SCAP: variants seen among roughly 807,000 people sequenced by gnomAD.
SCAP encodes sterol regulatory element-binding protein cleavage-activating protein.
SCAP carries 65 observed loss-of-function variants against 123.6 expected under a neutral mutation model. That is an observed-to-expected ratio of 0.53 (90% CI 0.43 to 0.65). SCAP has a LOEUF of 0.65. SCAP is among the 30% of genes least tolerant of loss of function. The pLI is 0.00. For synonymous variants in SCAP, 740 were observed against 726.3 expected, an observed-to-expected ratio of 1.02 and a Z score of -0.30; for missense variants, 1,398 against 1,712.5, an observed-to-expected ratio of 0.82 and a Z score of 3.24.
At position 47,414,399 on chromosome 3, in the gene SCAP, G is replaced by T; in HGVS notation, c.3388-13C>A. 1.2e-6 allele frequency: 2 copies of T among 1,611,990 alleles called. No homozygotes were observed. Among genetic ancestry groups the T allele is most frequent in the East Asian group, 4.5e-5 (2 of 44,882 alleles). On this transcript the variant is annotated splice_polypyrimidine_tract_variant and intron_variant, in intron 21 of 22. Transcript: ENST00000265565. ...CCAGCACCATGGTCTGGGGAAACAG[G>T]CCAGGGGAGTGGGGTCACCATGGTG...
chr3:47,423,849 G>C, intron 9 of SCAP, 84 bp downstream of exon 9: 5 of 970,200 alleles, frequency 5.2e-6, no homozygotes, highest in African/African-American at 1.6e-5. Flanking sequence ...GGCTCTGTTT[G>C]CTCACAGAGC....
At position 47,451,889 on chromosome 3, in the gene SCAP, C is replaced by T. The variant is rs776191896; in HGVS notation, c.-98-8798G>A. On this transcript the variant is annotated intron_variant, in intron 1 of 22. Coordinates refer to ENST00000265565, the MANE Select transcript of SCAP (RefSeq NM_012235.4). ...TCCTCTGCAACTTCACTTCGTGTCA[C>T]CTCTCCCTGTTCTGGTTTCTTCCAA... Among the ~76,000 whole-genome samples the T allele has an allele frequency of 3.9e-4, 58 of 147,574 alleles. 16 individuals carry two copies. The highest frequency in any genetic ancestry group is 1.7e-3 in the Admixed American group (24 of 14,268).
At chr3:47,448,622 G>A (rs768951244) in intron 1 of SCAP, among the ~76,000 whole-genome samples, 4 of 149,494 alleles carry the variant, frequency 2.7e-5, no homozygotes, top group Non-Finnish European at 5.9e-5. Context: ...CTACCTTCAT[G>A]TTCACTGACT....
chr3:47,417,602 G>A lies in SCAP; in HGVS notation c.2672C>T (p.Thr891Ile). 6 of 1,602,692 alleles carry A rather than the reference G, an allele frequency of 3.7e-6. No individual in the cohort carries two copies. The highest frequency in any genetic ancestry group is 2.3e-5 in the East Asian group (1 of 44,352). Residue 891 changes from threonine to isoleucine, a missense_variant, in exon 17 of 23, where the codon ACT (threonine) becomes ATT (isoleucine). Physicochemically the swap from Thr to Ile is moderately conservative, Grantham distance 89 (BLOSUM62 -1). Around this residue, in one of 7 missense-constraint regions of SCAP, gnomAD observed 828 missense variants for 882.5 expected, o/e 0.94. Transcript: ENST00000265565. ...FSAQPRSSQPTQPEPRHRAVC... is the reference protein window; with the variant it reads ...FSAQPRSSQPIQPEPRHRAVC... ...CGCCCGGTGCCGGGGCTCGGGCTGA[G>A]TGGGCTGTGAGGACCGAGGCTGCGC...
Position 47,425,472 on chromosome 3 carries a change from G to A in SCAP, c.1037+13C>T, listed in dbSNP as rs376469477. 3.7e-6 allele frequency: 6 copies of A among 1,612,870 alleles called. No individual in the cohort carries two copies. Among genetic ancestry groups the A allele is most frequent in the Non-Finnish European group, 4.2e-6 (5 of 1,179,768 alleles). On this transcript the variant is annotated intron_variant, in intron 8 of 22. Coordinates refer to ENST00000265565, the MANE Select transcript of SCAP (RefSeq NM_012235.4). ...CCCACCCTGTGGCCCAGTGGAGCCT[G>A]CTAGGGACCTACCCGCCATTGAGGG...
At chr3:47,469,296 G>A (rs1457569785) in intron 1 of SCAP, among the ~76,000 whole-genome samples, 1 of 152,216 alleles carries the variant, frequency 6.6e-6, no homozygotes, top group Non-Finnish European at 1.5e-5. Flanking sequence ...GCGGTGAGCA[G>A]AGACCACGCC....
intron 2 of SCAP, among the ~76,000 whole-genome samples, chr3:47,435,465 A>AACACACACACACACACACAC (rs749684765): frequency 2.5e-5 from 3 of 121,480 alleles, no homozygotes; most frequent in African/African-American, 7.7e-5. Flanking sequence ...ATATAATATA[A>AACACACACACACACACACAC]ACATACACAC....
Position 47,414,013 on chromosome 3 carries a change from T to G in SCAP, c.3681A>C (p.Leu1227=). ...GGQGCVSFWD[L]NYGDLLQTVY... Reference sequence around the variant, plus strand: ...CTGTCTGTAACAGGTCCCCGTAGTTTAGGTCCCAAAAGGAGACACAGCCCT... The same window carrying G: ...CTGTCTGTAACAGGTCCCCGTAGTTGAGGTCCCAAAAGGAGACACAGCCCT... The change falls in exon 23 of 23, where the codon CTA becomes CTC. Residue 1227 remains leucine, a synonymous_variant. Coordinates refer to ENST00000265565, the MANE Select transcript of SCAP (RefSeq NM_012235.4). 1 of 1,613,326 alleles carries G rather than the reference T, an allele frequency of 6.2e-7. No homozygotes were observed. The highest frequency in any genetic ancestry group is 8.5e-7 in the Non-Finnish European group (1 of 1,180,018).
intron 2 of SCAP, among the ~76,000 whole-genome samples, chr3:47,437,659 C>T (rs993952707): frequency 3.3e-5 from 5 of 151,840 alleles, no homozygotes; most frequent in Non-Finnish European, 7.4e-5. Flanking sequence ...GGGAGGATCG[C>T]TTGAGCCGGG....
chr3:47,413,917 G>A lies in SCAP; in HGVS notation c.3777C>T (p.Val1259=). Residue 1259 remains valine (V), a synonymous_variant, in exon 23 of 23, where the codon GTC becomes GTT. Coordinates refer to ENST00000265565, the MANE Select transcript of SCAP (RefSeq NM_012235.4). ...GGCTGAGCTCACTGCCAAAGTTGCA[G>A]ACAATGGCAGCGTTGTCCAGCACCA... ...QILVLDNAAI[V]CNFGSELSLV... The A allele has an allele frequency of 6.2e-7, 1 of 1,613,300 alleles. No homozygotes were observed. Among genetic ancestry groups the A allele is most frequent in the South Asian group, 1.1e-5 (1 of 91,082 alleles).
chr3:47,413,724 A>T lies in SCAP; in HGVS notation c.*130T>A. On this transcript the variant is annotated 3_prime_UTR_variant, in exon 23 of 23. Transcript: ENST00000265565. The stretch of plus-strand genomic sequence containing the variant: ...ACAGATGATGATATGGTTTTTTAAA[A>T]AAGTTTAATATTATTACAGTCAGGA... The T allele has an allele frequency of 7.7e-7, 1 of 1,295,110 alleles. No homozygotes were observed. The allele number at this position is 1,295,110 out of a possible 1,614,324, so 80.2% of individuals were successfully genotyped here. A position where few individuals can be genotyped will look rare whatever the true frequency, so the allele number is the denominator to read the frequency against.
chr3:47,436,065 A>G (rs995830741), intron 2 of SCAP, among the ~76,000 whole-genome samples: 1 of 152,122 alleles, frequency 6.6e-6, no homozygotes, highest in African/African-American at 2.4e-5. Flanking sequence ...AAAAGTTTTC[A>G]GAGACTTAAT....
chr3:47,452,926 C>CA (rs5848834), intron 1 of SCAP, among the ~76,000 whole-genome samples: 8 of 145,206 alleles, frequency 5.5e-5, no homozygotes, highest in African/African-American at 1.5e-4. Flanking sequence ...CCTGTCTCTA[C>CA]AAAAAAAAAA....
chr3:47,432,519 C>T (rs913962107), intron 3 of SCAP, among the ~76,000 whole-genome samples: 2 of 152,070 alleles, frequency 1.3e-5, no homozygotes, highest in African/African-American at 4.8e-5. Context: ...CTATCTGTCC[C>T]CCACATCATC....
chr3:47,448,799 A>G (rs1261993546), intron 1 of SCAP, among the ~76,000 whole-genome samples: 1 of 152,102 alleles, frequency 6.6e-6, no homozygotes, highest in Non-Finnish European at 1.5e-5. Flanking sequence ...TTTGGCTTTT[A>G]ATTTTTTGAT....
intron 2 of SCAP, among the ~76,000 whole-genome samples, chr3:47,437,883 G>T (rs1008308369): frequency 6.6e-6 from 1 of 152,138 alleles, no homozygotes; most frequent in Non-Finnish European, 1.5e-5. Flanking sequence ...GGATGAAATG[G>T]CTGGGTATGG....
chr3:47,435,517 C>CACACAG (rs1304950851), intron 2 of SCAP, among the ~76,000 whole-genome samples: 1 of 140,800 alleles, frequency 7.1e-6, no homozygotes, highest in African/African-American at 2.6e-5. Flanking sequence ...CACACACACA[C>CACACAG]AGATAGATAG....
rs1427532609 is a variant in SCAP, at chr3:47,439,938, A to G, written c.122+2934T>C. 6.6e-6 allele frequency among the ~76,000 whole-genome samples: 1 copy of G among 152,196 alleles called. No individual in the cohort carries two copies. On this transcript the variant is annotated intron_variant, in intron 2 of 22. Coordinates refer to ENST00000265565, the MANE Select transcript of SCAP (RefSeq NM_012235.4). The surrounding 1 kb of genome is among the most constrained non-coding windows in gnomAD (Gnocchi z 4.0). ...GCTGTTTGGGGTGAGCCTGATGCAT[A>G]TACAGATGCCCTCTCTCACTCCCTG...
At position 47,425,779 on chromosome 3, in the gene SCAP, T is replaced by C. The variant is rs75909003; in HGVS notation, c.911-168A>G. ...CCAGTGTCATGGACACAGTACACCTTTTAGGAACCCTAACCCAGGAAGGGG... is the reference window on the plus strand; with the variant it reads ...CCAGTGTCATGGACACAGTACACCTCTTAGGAACCCTAACCCAGGAAGGGG... On this transcript the variant is annotated intron_variant, in intron 7 of 22. Coordinates refer to ENST00000265565, the MANE Select transcript of SCAP (RefSeq NM_012235.4). Among the ~76,000 whole-genome samples, 1,301 of 152,050 alleles carry C rather than the reference T, an allele frequency of 8.6e-3. 20 individuals are homozygous for C. The highest frequency in any genetic ancestry group is 0.03 in the African/African-American group (1,242 of 41,316).
Sources: allele counts gnomAD v4.1 joint callset (sites outside exome capture counted in the v4.1 genomes callset), GRCh38; gene constraint gnomAD v4.1.1; regional missense constraint gnomAD v4.1.1; non-coding constraint Gnocchi (gnomAD v3.1); transcripts MANE v1.5; gene names NCBI Gene and HGNC (gene_info 2026-07-23, HGNC 2026-07-21).